Variants in CSMD3 observed in about 807,000 individuals in gnomAD.
The protein encoded by CSMD3 is CUB and Sushi multiple domains 3.
A neutral mutation model predicts 435.2 loss-of-function variants in CSMD3; 177 were observed. The observed-to-expected ratio is 0.41, with a 90% CI of 0.36 to 0.46. CSMD3 has a LOEUF of 0.46. Ranked by LOEUF, CSMD3 falls within the 20% of genes least tolerant of loss-of-function variation. The probability of loss-of-function intolerance (pLI) is 0.34; values close to 1 mark genes in which losing one functional copy is unlikely to be tolerated. For synonymous variants in CSMD3, 1,656 were observed against 1,520.5 expected, an observed-to-expected ratio of 1.09 and a Z score of -2.07; for missense variants, 4,265 against 4,504.6, an observed-to-expected ratio of 0.95 and a Z score of 1.52.
intron 2 of CSMD3, among the ~76,000 whole-genome samples, chr8:113,302,382 T>C (rs2093779765): frequency 6.8e-6 from 1 of 148,042 alleles, no homozygotes; most frequent in Admixed American, 6.9e-5. Flanking sequence ...ATGAGAATTG[T>C]ATATGAATAG....
At chr8:112,301,684 C>A (rs767025191) in intron 53 of CSMD3, 109 bp downstream of exon 53, 46 of 823,196 alleles carry the variant, frequency 5.6e-5, no homozygotes, top group Non-Finnish European at 8.4e-5. Context: ...TTTTAACATA[C>A]TTACTGAATG....
At chr8:113,035,507 A>G (rs1432644442) in intron 5 of CSMD3, among the ~76,000 whole-genome samples, 3 of 152,000 alleles carry the variant, frequency 2.0e-5, no homozygotes, top group Non-Finnish European at 4.4e-5. Context: ...GAAGGAAGTA[A>G]CTACAAAGGG....
chr8:113,241,293 C>T (rs185347730), intron 3 of CSMD3, among the ~76,000 whole-genome samples: 1 of 152,014 alleles, frequency 6.6e-6, no homozygotes, highest in Non-Finnish European at 1.5e-5. Context: ...GTATCAATGG[C>T]AACAACAGCA....
At chr8:112,523,165 A>T (rs1774878602) in intron 27 of CSMD3, among the ~76,000 whole-genome samples, 3 of 151,924 alleles carry the variant, frequency 2.0e-5, no homozygotes, top group African/African-American at 7.2e-5. Flanking sequence ...GATCTCATAC[A>T]GTTGGATGAG....
chr8:113,137,421 CTTG>C (rs1363288855), intron 4 of CSMD3, among the ~76,000 whole-genome samples: 1 of 151,444 alleles, frequency 6.6e-6, no homozygotes, highest in African/African-American at 2.4e-5. Flanking sequence ...TTTAATTTGT[CTTG>C]TTTAGTTTAT....
At chr8:113,262,493 G>A (rs74608707) in intron 3 of CSMD3, among the ~76,000 whole-genome samples, 4,501 of 152,034 alleles carry the variant, frequency 0.03, 88 homozygotes, top group Admixed American at 0.04. Flanking sequence ...TAATATAATA[G>A]TTGTTCCTTT....
At chr8:113,432,065 GT>G (rs772207883) in intron 1 of CSMD3, among the ~76,000 whole-genome samples, 3 of 152,134 alleles carry the variant, frequency 2.0e-5, no homozygotes, top group Non-Finnish European at 2.9e-5. Context: ...CTGGCATCAG[GT>G]TTTCAAGATG....
At chr8:112,886,315 C>T (rs564067220) in intron 10 of CSMD3, among the ~76,000 whole-genome samples, 1 of 151,062 alleles carries the variant, frequency 6.6e-6, no homozygotes, top group Non-Finnish European at 1.5e-5. Context: ...AGTCATTTTT[C>T]TTTTTTGCCT....
At chr8:112,502,536 T>C (rs540976002) in intron 30 of CSMD3, among the ~76,000 whole-genome samples, 13 of 152,342 alleles carry the variant, frequency 8.5e-5, no homozygotes, top group African/African-American at 3.1e-4. Flanking sequence ...GTGAGTTTCA[T>C]TTCCCTAAAA....
At chr8:112,928,744 A>G (rs2082996373) in intron 9 of CSMD3, among the ~76,000 whole-genome samples, 1 of 150,348 alleles carries the variant, frequency 6.7e-6, no homozygotes, top group Non-Finnish European at 1.5e-5. Context: ...GCCGCAATAA[A>G]CATACATGTG....
At chr8:112,658,054 G>C (rs948087916) in intron 17 of CSMD3, among the ~76,000 whole-genome samples, 2 of 152,106 alleles carry the variant, frequency 1.3e-5, no homozygotes, top group African/African-American at 2.4e-5. Context: ...CTTTTCTCTA[G>C]GGTAGTTACT....
chr8:112,758,287 G>C (rs1182978641), intron 13 of CSMD3, among the ~76,000 whole-genome samples: 1 of 151,896 alleles, frequency 6.6e-6, no homozygotes, highest in Non-Finnish European at 1.5e-5. Flanking sequence ...GGGAGGTGGA[G>C]GCTGCAGTGA....
chr8:113,117,273 T>C (rs1234251652), intron 4 of CSMD3, among the ~76,000 whole-genome samples: 1 of 152,190 alleles, frequency 6.6e-6, no homozygotes, highest in Non-Finnish European at 1.5e-5. Flanking sequence ...GTCCCAGCCA[T>C]GGCTAAAATG....
At chr8:112,409,104 T>C in intron 32 of CSMD3, 72 bp from the exon 33 acceptor site, 2 of 1,605,528 alleles carry the variant, frequency 1.2e-6, no homozygotes, top group South Asian at 2.2e-5. Context: ...AACAAAAAAA[T>C]AGAAAGAGGA....
At chr8:112,856,985 G>T (rs370946758) in intron 11 of CSMD3, among the ~76,000 whole-genome samples, 14 of 151,650 alleles carry the variant, frequency 9.2e-5, no homozygotes, top group African/African-American at 3.1e-4. Context: ...TAATTTAGTG[G>T]GACATAATCA....
At chr8:112,604,287 T>C (rs1328043729) in intron 22 of CSMD3, among the ~76,000 whole-genome samples, 2 of 152,164 alleles carry the variant, frequency 1.3e-5, no homozygotes, top group African/African-American at 2.4e-5. Flanking sequence ...TAGGATGTCA[T>C]TGGCTATTTG....
intron 10 of CSMD3, among the ~76,000 whole-genome samples, chr8:112,877,900 C>T (rs999527373): frequency 1.3e-5 from 2 of 152,088 alleles, no homozygotes; most frequent in South Asian, 4.1e-4. Context: ...TTCCTTACAC[C>T]TTATACAAAA....
intron 27 of CSMD3, among the ~76,000 whole-genome samples, chr8:112,549,237 T>C (rs1216479933): frequency 2.0e-5 from 3 of 152,026 alleles, no homozygotes; most frequent in Admixed American, 6.6e-5. Flanking sequence ...TCTGACAAAT[T>C]GTTCCCACTT....
intron 5 of CSMD3, among the ~76,000 whole-genome samples, chr8:113,041,567 A>G (rs1029261901): frequency 4.6e-5 from 7 of 152,088 alleles, no homozygotes; most frequent in Non-Finnish European, 7.4e-5. Context: ...TTCCAATCTA[A>G]AGGGATTTGG....
Sources: allele counts gnomAD v4.1 joint callset (sites outside exome capture counted in the v4.1 genomes callset), GRCh38; gene constraint gnomAD v4.1.1; transcripts MANE v1.5; gene names NCBI Gene and HGNC (gene_info 2026-07-23, HGNC 2026-07-21).